PCDH7: variants seen among roughly 807,000 people sequenced by gnomAD.
The protein encoded by PCDH7 is protocadherin 7.
Under a neutral mutation model 58.9 loss-of-function variants are expected in PCDH7, and 17 were observed. The observed-to-expected ratio is 0.29, with a 90% confidence interval of 0.20 to 0.43. The LOEUF (loss-of-function observed/expected upper bound fraction) is 0.43, where lower values mean the gene tolerates loss of function less well. PCDH7 is among the 20% of genes least tolerant of loss of function. The pLI, the probability that PCDH7 is intolerant of heterozygous loss-of-function variation, is 1.00. For missense variants in PCDH7, 1,274 were observed against 1,441.0 expected (o/e 0.88, Z 1.88); for synonymous variants, 664 against 616.4 (o/e 1.08, Z -1.14).
intron 1 of PCDH7, among the ~76,000 whole-genome samples, chr4:30,860,118 G>A (rs1180959829): frequency 1.3e-5 from 2 of 152,112 alleles, no homozygotes; most frequent in African/African-American, 4.8e-5. Flanking sequence ...TCAAACCTCT[G>A]AAGGGTGGCT....
At chr4:30,880,233 T>C (rs1736791486) in intron 1 of PCDH7, among the ~76,000 whole-genome samples, 1 of 151,912 alleles carries the variant, frequency 6.6e-6, no homozygotes, top group Admixed American at 6.6e-5. Flanking sequence ...TCTAAGGGTC[T>C]TTAAGGTGTA....
intron 3 of PCDH7, among the ~76,000 whole-genome samples, chr4:31,048,724 A>AG (rs1036912014): frequency 6.6e-5 from 10 of 151,926 alleles, no homozygotes; most frequent in East Asian, 3.9e-4. Flanking sequence ...AGAGAGAGAG[A>AG]GAAAAAAAAA....
At chr4:31,090,364 A>G (rs1242808222) in intron 3 of PCDH7, among the ~76,000 whole-genome samples, 1 of 151,994 alleles carries the variant, frequency 6.6e-6, no homozygotes, top group Non-Finnish European at 1.5e-5. Context: ...TAATACTCAC[A>G]TCTGGGTAAA....
At chr4:30,929,392 T>C (rs548383859) in intron 2 of PCDH7, among the ~76,000 whole-genome samples, 1 of 152,286 alleles carries the variant, frequency 6.6e-6, no homozygotes, top group Non-Finnish European at 1.5e-5. Flanking sequence ...TTTTACTTAA[T>C]ATACGCAGGT....
At chr4:31,141,721 T>C (rs1720278592) in intron 3 of PCDH7, among the ~76,000 whole-genome samples, 1 of 152,160 alleles carries the variant, frequency 6.6e-6, no homozygotes, top group African/African-American at 2.4e-5. Context: ...GTTTAGTAAC[T>C]TACCCGTATT....
At chr4:31,005,824 C>G (rs142918686) in intron 3 of PCDH7, among the ~76,000 whole-genome samples, 31 of 152,060 alleles carry the variant, frequency 2.0e-4, no homozygotes, top group Non-Finnish European at 4.4e-4. Context: ...AATTCAGTTC[C>G]GTTTTATAGC....
At chr4:31,137,712 G>A (rs1337608294) in intron 3 of PCDH7, among the ~76,000 whole-genome samples, 1 of 152,194 alleles carries the variant, frequency 6.6e-6, no homozygotes, top group African/African-American at 2.4e-5. Context: ...GAGGAATGGT[G>A]TGGGCATCTG....
chr4:30,790,389 CT>C lies in PCDH7; in HGVS notation c.70+65796del, dbSNP rs537984248. Among the ~76,000 whole-genome samples, 87 of 152,262 alleles carry C rather than the reference CT, an allele frequency of 5.7e-4. 2 individuals are homozygous for C. The South Asian group carries it at 0.017, about 30-fold the overall frequency. ...AGAACTAGCAGGAAGTGGAACTGGA[CT>C]TTGAGTCCAGAGGTCACACTCAACA... On this transcript the variant is annotated intron_variant, in intron 1 of 3. Coordinates refer to the PCDH7 transcript ENST00000509759.
At chr4:30,781,641 A>T (rs574571483) in intron 1 of PCDH7, among the ~76,000 whole-genome samples, 2 of 150,340 alleles carry the variant, frequency 1.3e-5, no homozygotes, top group East Asian at 4.0e-4. Flanking sequence ...GGTTCAAGCG[A>T]TTCTCCTGCC....
chr4:30,982,768 G>A (rs61792878), intron 3 of PCDH7, among the ~76,000 whole-genome samples: 33,091 of 151,750 alleles, frequency 0.22, 3,746 homozygotes, highest in African/African-American at 0.27. Context: ...CACTCTTTCC[G>A]TTGTATGATC....
At chr4:31,052,457 G>A (rs190618938) in intron 3 of PCDH7, among the ~76,000 whole-genome samples, 1 of 152,250 alleles carries the variant, frequency 6.6e-6, no homozygotes, top group East Asian at 1.9e-4. Flanking sequence ...AGAGGTGGTA[G>A]ATTAAATAAT....
At chr4:30,824,084 TTTCTTTC>T (rs1402540793) in intron 1 of PCDH7, among the ~76,000 whole-genome samples, 197 of 8,724 alleles carry the variant, frequency 0.023, 3 homozygotes, top group South Asian at 0.059. Context: ...GTTTCTTTTC[TTTCTTTC>T]TTTCTTTCTT....
chr4:30,758,941 T>C (rs73213187), intron 1 of PCDH7, among the ~76,000 whole-genome samples: 486 of 24,786 alleles, frequency 0.02, 23 homozygotes, highest in Middle Eastern at 0.061. Context: ...TGAAGAAGTG[T>C]TTTTTTTTTT....
At chr4:30,898,140 A>C (rs1049081542) in intron 1 of PCDH7, among the ~76,000 whole-genome samples, 25 of 152,306 alleles carry the variant, frequency 1.6e-4, no homozygotes, top group African/African-American at 5.5e-4. Flanking sequence ...CTATCCATAA[A>C]AGTAGCCTCA....
chr4:30,982,027 G>A (rs1312566397), intron 3 of PCDH7, among the ~76,000 whole-genome samples: 2 of 152,106 alleles, frequency 1.3e-5, no homozygotes, highest in East Asian at 1.9e-4. Context: ...ACAATGTATC[G>A]TGTTCTTGAA....
rs192183291 is a variant in PCDH7 at position 30,978,120 on chromosome 4, C to T, written c.*7+27905C>T. Among the ~76,000 whole-genome samples the T allele has an allele frequency of 2.7e-3, 413 of 152,222 alleles. 2 individuals carry two copies. Among genetic ancestry groups the T allele is most frequent in the South Asian group, 7.3e-3 (35 of 4,822 alleles). On this transcript the variant is annotated intron_variant, in intron 3 of 3. Coordinates refer to the PCDH7 transcript ENST00000509759. ...ATGCCCCAATTAATAGAGGAACATTCTGTTAAAAATCTGAGTTCACAGAAT... is the reference window on the plus strand; with the variant it reads ...ATGCCCCAATTAATAGAGGAACATTTTGTTAAAAATCTGAGTTCACAGAAT...
chr4:31,144,883 G>A (rs1286661144), downstream of PCDH7: 3 of 152,088 alleles, frequency 2.0e-5, no homozygotes, highest in African/African-American at 7.2e-5. Flanking sequence ...ATGGAAAGAT[G>A]CAATTCTAGT....
At chr4:30,979,354 A>T (rs1299173257) in intron 3 of PCDH7, among the ~76,000 whole-genome samples, 1 of 151,698 alleles carries the variant, frequency 6.6e-6, no homozygotes. Flanking sequence ...AAAAAGAAAA[A>T]AAAATTTGGT....
intron 1 of PCDH7, among the ~76,000 whole-genome samples, chr4:30,891,107 T>C (rs376282740): frequency 1.3e-5 from 2 of 152,264 alleles, no homozygotes; most frequent in East Asian, 1.9e-4. Flanking sequence ...AATGAAGGAA[T>C]GGTCTCTAAT....
Sources: allele counts gnomAD v4.1 joint callset (sites outside exome capture counted in the v4.1 genomes callset), GRCh38; gene constraint gnomAD v4.1.1; transcripts MANE v1.5; gene names NCBI Gene and HGNC (gene_info 2026-07-23, HGNC 2026-07-21).